The following ZNF319 variants were observed in gnomAD, a reference collection of about 807,000 sequenced individuals.
ZNF319 encodes zinc finger protein 319.
A neutral mutation model predicts 46.0 loss-of-function variants in ZNF319; 15 were observed. The observed-to-expected ratio is 0.33, with a 90% CI of 0.22 to 0.50. The LOEUF is 0.50. ZNF319 is among the 20% of genes least tolerant of loss of function. The pLI is 0.98. For missense variants in ZNF319, 635 were observed against 807.0 expected (o/e 0.79, Z 2.58); for synonymous variants, 368 against 364.0 (o/e 1.01, Z -0.13).
In ZNF319 at chr16:57,996,583, G is replaced by A; in HGVS notation, c.1683C>T (p.Ser561=). Residue 561 remains serine, a synonymous_variant, in exon 2 of 2, where the codon AGC becomes AGT. Transcript: ENST00000299237. ...FLDVALLQEH[S]AQHSAAAAAA... ...CCGCGGCGGCGGCACTGTGCTGCGC[G>A]CTGTGCTCCTGCAACAAGGCCACGT... 2 of 1,597,494 alleles carry A rather than the reference G, an allele frequency of 1.3e-6. No individual in the cohort carries two copies. Among genetic ancestry groups the A allele is most frequent in the Non-Finnish European group, 8.5e-7 (1 of 1,176,810 alleles).
Position 57,996,265 on chromosome 16 carries a change from A to G in ZNF319, c.*252T>C, listed in dbSNP as rs957968399. The G allele has an allele frequency of 5.2e-6, 3 of 572,550 alleles. No homozygotes were observed. Among genetic ancestry groups the G allele is most frequent in the African/African-American group, 1.9e-5 (1 of 52,170 alleles). The allele number at this position is 572,550 out of a possible 1,614,324, so 35.5% of individuals were successfully genotyped here. ...GGCTCTCAAGAAAGTGAATCTTGTC[A>G]TGGGAAAGAGGTTTGTGGAATCAGG... On this transcript the variant is annotated 3_prime_UTR_variant, in exon 2 of 2. Coordinates refer to ENST00000299237, the MANE Select transcript of ZNF319 (RefSeq NM_020807.3).
chr16:57,997,081 G>A lies in ZNF319; in HGVS notation c.1185C>T (p.Leu395=). 6.8e-6 allele frequency: 11 copies of A among 1,613,968 alleles called. No individual in the cohort carries two copies. The highest frequency in any genetic ancestry group is 9.3e-6 in the Non-Finnish European group (11 of 1,179,976). ...HLLYHQHVHT[L]ETLFKCPVCQ... Reference sequence around the variant, plus strand: ...ACACGGGGCACTTGAAGAGAGTCTCGAGGGTGTGCACGTGCTGGTGGTAGA... The same window carrying A: ...ACACGGGGCACTTGAAGAGAGTCTCAAGGGTGTGCACGTGCTGGTGGTAGA... Residue 395 remains leucine, a synonymous_variant, in exon 2 of 2, where the codon CTC becomes CTT. Coordinates refer to ENST00000299237, the MANE Select transcript of ZNF319 (RefSeq NM_020807.3).
chr16:57,998,157 G>A lies in ZNF319; in HGVS notation c.109C>T (p.Pro37Ser). 6.4e-7 allele frequency: 1 copy of A among 1,574,746 alleles called. No homozygotes were observed. The highest frequency in any genetic ancestry group is 1.2e-5 in the South Asian group (1 of 85,608). The change falls in exon 2 of 2, where the codon CCT becomes TCT. Residue 37 changes from proline to serine, a missense_variant. This residue lies in a region of ZNF319 where 227 missense variants were observed against 277.5 expected (regional missense o/e 0.82). Transcript: ENST00000299237. The stretch of plus-strand genomic sequence containing the variant: ...AGGGGGTTCTCCGCCGTGCCCGGAG[G>A]CAGCGTGTGCTCTGCCAGGGCTGGC... ...PPPALAEHTL[P>S]PGTAENPLGC... is the part of the protein sequence containing the mutation.
rs951772423 is a variant in ZNF319 at position 58,000,035 on chromosome 16, C to T, written c.-800G>A. On this transcript the variant is annotated 5_prime_UTR_variant, in exon 1 of 2. Transcript: ENST00000299237. This position sits in a 1 kb window ranked among gnomAD's most constrained non-coding sequence, Gnocchi z 4.5. Reference sequence around the variant, plus strand: ...GAGGCAAGGAGAGGCAGGGGAGGCCCCCCACCTGCGCCCCACCCCGTCTCT... The same window carrying T: ...GAGGCAAGGAGAGGCAGGGGAGGCCTCCCACCTGCGCCCCACCCCGTCTCT... 2.6e-5 allele frequency among the ~76,000 whole-genome samples: 4 copies of T among 152,204 alleles called. No homozygotes were observed. Among genetic ancestry groups the T allele is most frequent in the Non-Finnish European group, 5.9e-5 (4 of 68,024 alleles).
In ZNF319 at chr16:57,996,792, C is replaced by T. The variant is rs746901574; in HGVS notation, c.1474G>A (p.Glu492Lys). ...TCTGACGCGTACTTGAAGCGTTTCTCGCAGTCTGGGCACTTGAGTGGCTTC... is the reference window on the plus strand; with the variant it reads ...TCTGACGCGTACTTGAAGCGTTTCTTGCAGTCTGGGCACTTGAGTGGCTTC... ...REKPLKCPDCEKRFKYASDLQ... is the reference protein window; with the variant it reads ...REKPLKCPDCKKRFKYASDLQ... The change falls in exon 2 of 2, where the codon GAG becomes AAG. Residue 492 changes from glutamate (E) to lysine (K), a missense_variant. Coordinates refer to ENST00000299237, the MANE Select transcript of ZNF319 (RefSeq NM_020807.3). 31 of 1,610,948 alleles carry T rather than the reference C, an allele frequency of 1.9e-5. No individual in the cohort carries two copies. The Admixed American group carries it at 3.2e-4, about 17-fold the overall frequency.
rs200765644 is a variant in ZNF319 at position 57,997,744 on chromosome 16, C to G, written c.522G>C (p.Glu174Asp). Residue 174 changes from glutamate to aspartate, a missense_variant, in exon 2 of 2, where the codon GAG becomes GAC. Glu to Asp is a conservative substitution (Grantham distance 45). Around this residue, in one of 3 missense-constraint regions of ZNF319, gnomAD observed 227 missense variants for 277.5 expected, o/e 0.82. Transcript: ENST00000299237. ...EKTYKPAEAA[E>D]PATTAAPSLP... is the part of the protein sequence containing the mutation. The stretch of plus-strand genomic sequence containing the variant: ...GCGACGGGGCGGCTGTGGTGGCTGG[C>G]TCCGCTGCCTCAGCTGGCTTGTAGG... 2.2e-5 allele frequency: 35 copies of G among 1,613,454 alleles called. No individual in the cohort carries two copies. The highest frequency in any genetic ancestry group is 2.5e-5 in the Non-Finnish European group (30 of 1,180,046).
In ZNF319 at chr16:57,997,034, G is replaced by A; in HGVS notation, c.1232C>T (p.Ser411Phe). 2 of 1,611,638 alleles carry A rather than the reference G, an allele frequency of 1.2e-6. No individual in the cohort carries two copies. The highest frequency in any genetic ancestry group is 1.7e-6 in the Non-Finnish European group (2 of 1,179,576). ...GCACTTGTGCCGCAGCAGCTCGGCAGATTGGTCAAAGCCTTTCTGGCACAC... is the reference window on the plus strand; with the variant it reads ...GCACTTGTGCCGCAGCAGCTCGGCAAATTGGTCAAAGCCTTTCTGGCACAC... ...CPVCQKGFDQ[S>F]AELLRHKCLP... The change falls in exon 2 of 2, where the codon TCT becomes TTT. Residue 411 changes from serine to phenylalanine, a missense_variant. Ser to Phe is a radical substitution (Grantham distance 155). Around this residue, in one of 3 missense-constraint regions of ZNF319, gnomAD observed 270 missense variants for 281.4 expected, o/e 0.96. Transcript: ENST00000299237.
In ZNF319 at chr16:57,996,449, G is replaced by A; in HGVS notation, c.*68C>T. On this transcript the variant is annotated 3_prime_UTR_variant, in exon 2 of 2. Coordinates refer to ENST00000299237, the MANE Select transcript of ZNF319 (RefSeq NM_020807.3). Reference sequence around the variant, plus strand: ...GTGCAAGGCAGCTGTGAGGAGCTAGGCTGCGCGAGGCCTGCTGGGCCCACG... The same window carrying A: ...GTGCAAGGCAGCTGTGAGGAGCTAGACTGCGCGAGGCCTGCTGGGCCCACG... The A allele has an allele frequency of 6.9e-7, 1 of 1,448,340 alleles. No homozygotes were observed. The highest frequency in any genetic ancestry group is 9.0e-7 in the Non-Finnish European group (1 of 1,106,582). The allele number at this position is 1,448,340 out of a possible 1,614,324, so 89.7% of individuals were successfully genotyped here.
At position 57,996,637 on chromosome 16, in the gene ZNF319, C is replaced by A; in HGVS notation, c.1629G>T (p.Lys543Asn). The A allele has an allele frequency of 6.2e-7, 1 of 1,612,092 alleles. No homozygotes were observed. The highest frequency in any genetic ancestry group is 1.1e-5 in the South Asian group (1 of 91,088). The change falls in exon 2 of 2, where the codon AAG becomes AAT. Residue 543 changes from lysine to asparagine, a missense_variant. By Grantham distance (94) the Lys-to-Asn change is moderately conservative. Coordinates refer to ENST00000299237, the MANE Select transcript of ZNF319 (RefSeq NM_020807.3). ...GGAAGCGCTCCCCGCACCATACACA[C>A]TTGAACTGCTGCTCGCGGGCGTGCA... ...QGVHAREQQF[K>N]CVWCGERFLD...
chr16:58,000,435 G>A lies in ZNF319; in HGVS notation c.-1200C>T, dbSNP rs1283516643. 4.7e-5 allele frequency: 7 copies of A among 150,172 alleles called. No individual in the cohort carries two copies. Among genetic ancestry groups the A allele is most frequent in the Admixed American group, 2.0e-4 (3 of 15,110 alleles). 9.3% of individuals were successfully genotyped at this position (150,172 alleles called of 1,614,324 possible). ...GCCGCCTGCAGGGCAGGCGCGGGGC[G>A]AGCGGCGACCAGCTGCTCTCTCGGC... On this transcript the variant is annotated 5_prime_UTR_variant, in exon 1 of 2. Transcript: ENST00000299237. This position sits in a 1 kb window ranked among gnomAD's most constrained non-coding sequence, Gnocchi z 4.5.
rs773761312 is a variant in ZNF319, at chr16:57,997,008, G to A, written c.1258C>T (p.Leu420=). Residue 420 remains leucine, a synonymous_variant, in exon 2 of 2, where the codon CTG becomes TTG. Transcript: ENST00000299237. ...QSAELLRHKC[L]PGAAERPFKC... ...AAGGGCCGCTCGGCCGCGCCGGGCA[G>A]GCACTTGTGCCGCAGCAGCTCGGCA... The A allele has an allele frequency of 2.2e-5, 35 of 1,609,634 alleles. No homozygotes were observed. In the South Asian group the frequency reaches 3.7e-4, roughly 17 times the overall value.
chr16:57,999,274 A>ACACACAC (rs1224745413), intron 1 of ZNF319, among the ~76,000 whole-genome samples: 1 of 78,460 alleles, frequency 1.3e-5, no homozygotes, highest in South Asian at 4.9e-4. Context: ...CACACACACA[A>ACACACAC]AGTCCTAAAT....
chr16:57,998,689 T>A (rs866512157), intron 1 of ZNF319, among the ~76,000 whole-genome samples, 167 bp from the exon 2 acceptor site: 45 of 152,014 alleles, frequency 3.0e-4, no homozygotes, highest in Non-Finnish European at 1.6e-4. Flanking sequence ...ATCAGAGAGG[T>A]CTGCAGCCAG....
In ZNF319 at chr16:57,997,201, C is replaced by T. The variant is rs1458843711; in HGVS notation, c.1065G>A (p.Gln355=). The part of the protein sequence containing the change: ...CDLCPMGFKQ[Q]YALMRHRRTH... ...TGCGCCGGTGGCGCATCAGTGCGTA[C>T]TGCTGCTTGAAGCCCATGGGGCACA... Residue 355 remains glutamine, a synonymous_variant, in exon 2 of 2, where the codon CAG becomes CAA. Coordinates refer to ENST00000299237, the MANE Select transcript of ZNF319 (RefSeq NM_020807.3). 3.1e-6 allele frequency: 5 copies of T among 1,613,676 alleles called. No homozygotes were observed. The highest frequency in any genetic ancestry group is 2.2e-5 in the East Asian group (1 of 44,872).
In ZNF319 at chr16:57,996,860, G is replaced by C; in HGVS notation, c.1406C>G (p.Ser469Cys). The C allele has an allele frequency of 1.9e-6, 3 of 1,604,174 alleles. No homozygotes were observed. Among genetic ancestry groups the C allele is most frequent in the Non-Finnish European group, 2.5e-6 (3 of 1,178,422 alleles). ...RCTLCERRFF[S>C]SSEFVQHRCD... ...GCGGTGCTGCACGAACTCGGAAGAG[G>C]AGAAGAAGCGGCGTTCGCAAAGCGT... Residue 469 changes from serine (S) to cysteine (C), a missense_variant, in exon 2 of 2, where the codon TCC becomes TGC. Around this residue, in one of 3 missense-constraint regions of ZNF319, gnomAD observed 270 missense variants for 281.4 expected, o/e 0.96. Coordinates refer to ENST00000299237, the MANE Select transcript of ZNF319 (RefSeq NM_020807.3).
rs779986670 is a variant in ZNF319, at chr16:57,997,099, G to A, written c.1167C>T (p.His389=). Residue 389 remains histidine (H), a synonymous_variant, in exon 2 of 2, where the codon CAC becomes CAT. Transcript: ENST00000299237. ...GAGTCTCGAGGGTGTGCACGTGCTG[G>A]TGGTAGAGCAGGTGGCTGGGCTGCC... ...GFGQPSHLLY[H]QHVHTLETLF... The A allele has an allele frequency of 5.0e-6, 8 of 1,613,974 alleles. No homozygotes were observed. Among genetic ancestry groups the A allele is most frequent in the Middle Eastern group, 1.6e-4 (1 of 6,084 alleles).
At position 57,998,361 on chromosome 16, in the gene ZNF319, T is replaced by TGGACAAGGACCTC. The variant is rs1256341511; in HGVS notation, c.-109_-97dup. On this transcript the variant is annotated 5_prime_UTR_variant, in exon 2 of 2. Transcript: ENST00000299237. ...GAGAGAAGCTGCCCAATCACAGAGA[T>TGGACAAGGACCTC]GGACAAGGACCTCAGACAAGGCACA... The TGGACAAGGACCTC allele has an allele frequency of 2.0e-6, 3 of 1,505,942 alleles. No homozygotes were observed. In the African/African-American group the frequency reaches 4.2e-5, roughly 21 times the overall value. The allele number at this position is 1,505,942 out of a possible 1,614,324, so 93.3% of individuals were successfully genotyped here.
In ZNF319 at chr16:57,997,046, C is replaced by T. The variant is rs1963032869; in HGVS notation, c.1220G>A (p.Gly407Asp). ...CAGCAGCTCGGCAGATTGGTCAAAG[C>T]CTTTCTGGCACACGGGGCACTTGAA... The part of the protein sequence containing the change: ...TLFKCPVCQK[G>D]FDQSAELLRH... Residue 407 changes from glycine (G) to aspartate (D), a missense_variant, in exon 2 of 2, where the codon GGC (glycine) becomes GAC (aspartate). This residue lies in a region of ZNF319 where 270 missense variants were observed against 281.4 expected (regional missense o/e 0.96). Coordinates refer to ENST00000299237, the MANE Select transcript of ZNF319 (RefSeq NM_020807.3). The T allele has an allele frequency of 1.2e-6, 2 of 1,612,414 alleles. No homozygotes were observed. Among genetic ancestry groups the T allele is most frequent in the East Asian group, 4.5e-5 (2 of 44,756 alleles).
rs920891948 is a variant in ZNF319, at chr16:57,999,556, C to T, written c.-321G>A. The T allele has an allele frequency of 2.6e-5, 4 of 152,250 alleles. No individual in the cohort carries two copies. The highest frequency in any genetic ancestry group is 9.6e-5 in the African/African-American group (4 of 41,466). The allele number at this position is 152,250 out of a possible 1,614,324, so 9.4% of individuals were successfully genotyped here. A position where few individuals can be genotyped will look rare whatever the true frequency, so the allele number is the denominator to read the frequency against. On this transcript the variant is annotated 5_prime_UTR_variant, in exon 1 of 2. Transcript: ENST00000299237. ...GGAACTTTCAGAGTCAGATGCAACC[C>T]ACTTCCAGGTTCCCAGCTCATCTGC...
Sources: allele counts gnomAD v4.1 joint callset (sites outside exome capture counted in the v4.1 genomes callset), GRCh38; gene constraint gnomAD v4.1.1; regional missense constraint gnomAD v4.1.1; non-coding constraint Gnocchi (gnomAD v3.1); transcripts MANE v1.5; gene names NCBI Gene and HGNC (gene_info 2026-07-23, HGNC 2026-07-21).